CAMK2G: variants seen among roughly 807,000 people sequenced by gnomAD.
CAMK2G encodes calcium/calmodulin dependent protein kinase II gamma, also known as calcium/calmodulin-dependent protein kinase type II subunit gamma.
In CAMK2G, 23 loss-of-function variants were observed where a neutral mutation model predicts 88.7. That is an observed-to-expected ratio of 0.26 (90% CI 0.19 to 0.37). The LOEUF is 0.37. CAMK2G is among the 10% of genes least tolerant of loss of function. The pLI is 1.00. For missense variants in CAMK2G, 476 were observed against 780.8 expected (o/e 0.61, Z 4.65); for synonymous variants, 263 against 294.8 (o/e 0.89, Z 1.11).
intron 21 of CAMK2G, 48 bp downstream of exon 21, chr10:73,816,974 AG>A (rs2085802658): frequency 6.2e-7 from 1 of 1,613,868 alleles, no homozygotes; most frequent in Non-Finnish European, 8.5e-7. Flanking sequence ...ACAGAGACAA[AG>A]GGGTAAAGGG....
rs1308076537 is a variant in CAMK2G at position 73,839,010 on chromosome 10, G to A, written c.1009+529C>T. Among the ~76,000 whole-genome samples, 1 of 152,206 alleles carries A rather than the reference G, an allele frequency of 6.6e-6. No homozygotes were observed. ...GAGAGGTGAGGAATTAAGGCTGGGA[G>A]AGCTGGTGTGACTCGCTCAGGGTGT... On this transcript the variant is annotated intron_variant, in intron 13 of 22. Coordinates refer to ENST00000423381, the MANE Select transcript of CAMK2G (RefSeq NM_001367534.1). The surrounding 1 kb of genome is among the most constrained non-coding windows in gnomAD (Gnocchi z 4.2).
At chr10:73,825,806 G>A (rs1399028116) in intron 15 of CAMK2G, among the ~76,000 whole-genome samples, 2 of 152,318 alleles carry the variant, frequency 1.3e-5, no homozygotes, top group East Asian at 3.9e-4. Context: ...TACAACACCA[G>A]CTCGAAGCCT....
chr10:73,860,619 C>A (rs1399590242), intron 3 of CAMK2G, among the ~76,000 whole-genome samples: 9 of 152,150 alleles, frequency 5.9e-5, no homozygotes, highest in Non-Finnish European at 1.5e-5. Context: ...CACACCCCAG[C>A]CCTGAGAAGG....
intron 10 of CAMK2G, among the ~76,000 whole-genome samples, chr10:73,845,003 C>T (rs1224899627): frequency 6.6e-6 from 1 of 152,156 alleles, no homozygotes; most frequent in East Asian, 1.9e-4. Flanking sequence ...GTGCTCTTTG[C>T]TGGGCCCCCT....
chr10:73,835,089 G>A (rs900031562), intron 14 of CAMK2G, among the ~76,000 whole-genome samples: 1 of 152,046 alleles, frequency 6.6e-6, no homozygotes, highest in African/African-American at 2.4e-5. Flanking sequence ...ACTCCCTCAA[G>A]CTCAATTCCT....
intron 2 of CAMK2G, among the ~76,000 whole-genome samples, 178 bp downstream of exon 2, chr10:73,872,811 C>A (rs543090574): frequency 3.9e-5 from 6 of 152,302 alleles, no homozygotes; most frequent in Non-Finnish European, 8.8e-5. Context: ...CTGGGCGCTT[C>A]CAGTCCCCCA....
At chr10:73,862,869 T>C (rs2135594116) in intron 2 of CAMK2G, among the ~76,000 whole-genome samples, 1 of 152,280 alleles carries the variant, frequency 6.6e-6, no homozygotes, top group Non-Finnish European at 1.5e-5. Flanking sequence ...GCAAAAAGCT[T>C]CTGTAAATCT....
chr10:73,849,367 AG>A, intron 5 of CAMK2G, 34 bp from the exon 6 acceptor site: 1 of 1,520,716 alleles, frequency 6.6e-7, no homozygotes, highest in African/African-American at 1.4e-5. Context: ...ATGTTAGCGC[AG>A]GGTTAAACCA....
chr10:73,854,579 T>C (rs1159066509), intron 3 of CAMK2G, among the ~76,000 whole-genome samples: 1 of 152,182 alleles, frequency 6.6e-6, no homozygotes, highest in Non-Finnish European at 1.5e-5. Context: ...AGGAATGGCC[T>C]GACACCAAAC....
In CAMK2G at chr10:73,825,755, T is replaced by G. The variant is rs527402500; in HGVS notation, c.1087-408A>C. On this transcript the variant is annotated intron_variant, in intron 15 of 22. Coordinates refer to ENST00000423381, the MANE Select transcript of CAMK2G (RefSeq NM_001367534.1). ...ACTCTGGTCCCCTATCTGTGGGCAG[T>G]CTCCTGCTGCACTTTCAACCCAGCA... Among the ~76,000 whole-genome samples, 4 of 152,302 alleles carry G rather than the reference T, an allele frequency of 2.6e-5. No individual in the cohort carries two copies. In the East Asian group the frequency reaches 7.7e-4, roughly 29 times the overall value.
intron 5 of CAMK2G, among the ~76,000 whole-genome samples, chr10:73,849,803 C>T (rs1362612278): frequency 6.6e-6 from 1 of 152,124 alleles, no homozygotes; most frequent in Non-Finnish European, 1.5e-5. Context: ...ATTCATTTCC[C>T]TAAATGTTTA....
intron 9 of CAMK2G, 89 bp downstream of exon 9, chr10:73,847,899 C>A (rs1365651811): frequency 1.7e-5 from 13 of 784,356 alleles, no homozygotes; most frequent in Non-Finnish European, 2.6e-5. Flanking sequence ...TCACGTGACA[C>A]ACTAAACAAG....
At chr10:73,872,873 T>C (rs2095883911) in intron 2 of CAMK2G, 116 bp downstream of exon 2, 1 of 770,706 alleles carries the variant, frequency 1.3e-6, no homozygotes, top group African/African-American at 1.7e-5. Flanking sequence ...CAGTCTGAAA[T>C]TCCAACTCCT....
intron 17 of CAMK2G, among the ~76,000 whole-genome samples, chr10:73,823,223 A>AT (rs930200427): frequency 2.7e-5 from 4 of 150,474 alleles, no homozygotes; most frequent in Non-Finnish European, 4.4e-5. Context: ...TATCTTATTT[A>AT]TTTTTTTTGA....
intron 6 of CAMK2G, 35 bp downstream of exon 6, chr10:73,849,226 A>G (rs750226978): frequency 6.3e-7 from 1 of 1,596,750 alleles, no homozygotes; most frequent in Non-Finnish European, 8.6e-7. Context: ...CCAACACTTC[A>G]TGAGCAGAGG....
chr10:73,865,642 G>C (rs959940965), intron 2 of CAMK2G, among the ~76,000 whole-genome samples: 1 of 152,210 alleles, frequency 6.6e-6, no homozygotes, highest in Non-Finnish European at 1.5e-5. Flanking sequence ...TTTCCCAAAA[G>C]CAAGGGCATC....
chr10:73,837,525 G>A lies in CAMK2G; in HGVS notation c.1010-14C>T, dbSNP rs754796114. On this transcript the variant is annotated splice_polypyrimidine_tract_variant and intron_variant, in intron 13 of 22. Transcript: ENST00000423381. Reference sequence around the variant, plus strand: ...GGCTTTTGGCAGCTGTGAAAACAAAGAGGAATATCAAGTCTCCTGCATTGT... The same window carrying A: ...GGCTTTTGGCAGCTGTGAAAACAAAAAGGAATATCAAGTCTCCTGCATTGT... 1 of 1,610,792 alleles carries A rather than the reference G, an allele frequency of 6.2e-7. No homozygotes were observed. The highest frequency in any genetic ancestry group is 1.1e-5 in the South Asian group (1 of 90,990).
At position 73,815,233 on chromosome 10, in the gene CAMK2G, T is replaced by C. The variant is rs148819388; in HGVS notation, c.1549A>G (p.Ser517Gly). The C allele has an allele frequency of 6.2e-7, 1 of 1,613,716 alleles. No homozygotes were observed. The highest frequency in any genetic ancestry group is 1.3e-5 in the African/African-American group (1 of 74,928). ...FYFENLLSKNSKPIHTTILNP... is the reference protein window; with the variant it reads ...FYFENLLSKNGKPIHTTILNP... Reference sequence around the variant, plus strand: ...AGGATGGTGGTATGGATAGGCTTGCTGTTCTTGGACAGGACTGCAGGGCAG... The same window carrying C: ...AGGATGGTGGTATGGATAGGCTTGCCGTTCTTGGACAGGACTGCAGGGCAG... The change falls in exon 22 of 23, where the codon AGC becomes GGC. Residue 517 changes from serine (S) to glycine (G), a missense_variant. Ser to Gly is a moderately conservative substitution (Grantham distance 56, BLOSUM62 0). Around this residue, in one of 3 missense-constraint regions of CAMK2G, gnomAD observed 278 missense variants for 366.5 expected, o/e 0.76. Coordinates refer to ENST00000423381, the MANE Select transcript of CAMK2G (RefSeq NM_001367534.1).
intron 18 of CAMK2G, among the ~76,000 whole-genome samples, chr10:73,819,863 C>T (rs934591705): frequency 6.6e-6 from 1 of 152,218 alleles, no homozygotes; most frequent in African/African-American, 2.4e-5. Flanking sequence ...CAGGCAGGTG[C>T]CCAGACCTGG....
Sources: allele counts gnomAD v4.1 joint callset (sites outside exome capture counted in the v4.1 genomes callset), GRCh38; gene constraint gnomAD v4.1.1; regional missense constraint gnomAD v4.1.1; non-coding constraint Gnocchi (gnomAD v3.1); transcripts MANE v1.5; gene names NCBI Gene and HGNC (gene_info 2026-07-23, HGNC 2026-07-21).